Variants in KIF5A observed in about 807,000 individuals in gnomAD.
KIF5A encodes kinesin family member 5A.
A neutral mutation model predicts 141.3 loss-of-function variants in KIF5A; 35 were observed. The ratio of observed to expected loss-of-function variants is 0.25; its 90% CI spans 0.19 to 0.33. KIF5A has a LOEUF of 0.33. Ranked by LOEUF, KIF5A falls within the 10% of genes least tolerant of loss-of-function variation. The pLI, the probability that KIF5A is intolerant of heterozygous loss-of-function variation, is 1.00. For synonymous variants in KIF5A, 448 were observed against 500.2 expected, an observed-to-expected ratio of 0.90 and a Z score of 1.39; for missense variants, 861 against 1,314.3, an observed-to-expected ratio of 0.66 and a Z score of 5.33.
chr12:57,581,822 A>T, intron 25 of KIF5A, 48 bp from the exon 26 acceptor site: 1 of 1,500,310 alleles, frequency 6.7e-7, no homozygotes, highest in Non-Finnish European at 9.3e-7. Context: ...TCCTCAGACT[A>T]GTGGAGGGTG....
Position 57,564,791 on chromosome 12 carries a change from G to A in KIF5A, c.446-127G>A, listed in dbSNP as rs1882013162. 12 of 933,628 alleles carry A rather than the reference G, an allele frequency of 1.3e-5. 1 individual carries two copies. In the South Asian group the frequency reaches 1.5e-4, roughly 12 times the overall value. 57.8% of individuals were successfully genotyped at this position (933,628 alleles called of 1,614,324 possible). A position where few individuals can be genotyped will look rare whatever the true frequency, so the allele number is the denominator to read the frequency against. Reference sequence around the variant, plus strand: ...ACTGAGCCTTCAGCTCGTGCAGGGAGTTTAGGCTTCACAGGGAGAGTCTTC... The same window carrying A: ...ACTGAGCCTTCAGCTCGTGCAGGGAATTTAGGCTTCACAGGGAGAGTCTTC... On this transcript the variant is annotated intron_variant, in intron 5 of 28. Transcript: ENST00000455537.
chr12:57,558,951 T>A (rs1235427907), intron 1 of KIF5A, among the ~76,000 whole-genome samples: 1 of 152,096 alleles, frequency 6.6e-6, no homozygotes, highest in Admixed American at 6.6e-5. Context: ...TATTTTTTTT[T>A]AATTTTTGTA....
chr12:57,575,170 G>A lies in KIF5A; in HGVS notation c.1803G>A (p.Val601=), dbSNP rs1359036756. 6.2e-7 allele frequency: 1 copy of A among 1,614,088 alleles called. No homozygotes were observed. Among genetic ancestry groups the A allele is most frequent in the Non-Finnish European group, 8.5e-7 (1 of 1,180,014 alleles). ...AAATCAAATCAGAAGTCAAGTCTGT[G>A]GTCAAGCGGTGCCGGCAGCTGGAGA... ...ISKIKSEVKS[V]VKRCRQLENL... The change falls in exon 16 of 29, where the codon GTG becomes GTA. Residue 601 remains valine, a synonymous_variant. Coordinates refer to ENST00000455537, the MANE Select transcript of KIF5A (RefSeq NM_004984.4).
At chr12:57,562,679 T>C (rs1162677846) in intron 1 of KIF5A, among the ~76,000 whole-genome samples, 1 of 152,218 alleles carries the variant, frequency 6.6e-6, no homozygotes, top group Non-Finnish European at 1.5e-5. Context: ...ATGCTATAAA[T>C]ATATGTCACT....
rs1365061259 is a variant in KIF5A, at chr12:57,572,577, C to T, written c.1570-3C>T. On this transcript the variant is annotated splice_polypyrimidine_tract_variant and splice_region_variant and intron_variant, in intron 14 of 28. Coordinates refer to ENST00000455537, the MANE Select transcript of KIF5A (RefSeq NM_004984.4). This position sits in a 1 kb window ranked among gnomAD's most constrained non-coding sequence, Gnocchi z 4.2. ...CAGGAATGACCTGAGGGGCTGTCCCCAGGCCACCATGCTGTCCCTGGAGTC... is the reference window on the plus strand; with the variant it reads ...CAGGAATGACCTGAGGGGCTGTCCCTAGGCCACCATGCTGTCCCTGGAGTC... 2.5e-6 allele frequency: 4 copies of T among 1,614,112 alleles called. No homozygotes were observed. Among genetic ancestry groups the T allele is most frequent in the East Asian group, 4.5e-5 (2 of 44,902 alleles).
rs781585150 is a variant in KIF5A at position 57,567,123 on chromosome 12, C to T, written c.502-3C>T. On this transcript the variant is annotated splice_region_variant and splice_polypyrimidine_tract_variant and intron_variant, in intron 6 of 28. Transcript: ENST00000455537. Reference sequence around the variant, plus strand: ...TGGGTCACTGTCCATTTGTCCCCCACAGGGTTGTACTGAACGCTTTGTGTC... The same window carrying T: ...TGGGTCACTGTCCATTTGTCCCCCATAGGGTTGTACTGAACGCTTTGTGTC... 6.2e-7 allele frequency: 1 copy of T among 1,604,582 alleles called. No individual in the cohort carries two copies.
chr12:57,571,518 C>A, intron 13 of KIF5A, 129 bp downstream of exon 13: 1 of 852,938 alleles, frequency 1.2e-6, no homozygotes, highest in Non-Finnish European at 1.9e-6. Flanking sequence ...CTCCCCTAAA[C>A]AGCAGAAGTC....
In KIF5A at chr12:57,562,184, A is replaced by G. The variant is rs1219220512; in HGVS notation, c.130-1255A>G. ...TGATTTACAACATATTCCTGAATTA[A>G]ACAAGGATTTGTAAGTCTGAATGAT... On this transcript the variant is annotated intron_variant, in intron 1 of 28. Coordinates refer to ENST00000455537, the MANE Select transcript of KIF5A (RefSeq NM_004984.4). Among the ~76,000 whole-genome samples the G allele has an allele frequency of 6.6e-5, 10 of 152,326 alleles. No individual in the cohort carries two copies. The South Asian group carries it at 1.9e-3, about 28-fold the overall frequency.
At chr12:57,552,756 T>A (rs1350696614) in intron 1 of KIF5A, among the ~76,000 whole-genome samples, 1 of 152,146 alleles carries the variant, frequency 6.6e-6, no homozygotes, top group Non-Finnish European at 1.5e-5. Context: ...TGGGGGAGGC[T>A]GCTTCAGGAT....
At chr12:57,555,910 A>G in intron 1 of KIF5A, among the ~76,000 whole-genome samples, 1 of 142,300 alleles carries the variant, frequency 7.0e-6, no homozygotes, top group East Asian at 2.1e-4. Flanking sequence ...CTCTATCTCA[A>G]AAAAAAAAAA....
At chr12:57,564,888 T>A (rs1306748015) in intron 5 of KIF5A, 30 bp from the exon 6 acceptor site, 1 of 1,612,060 alleles carries the variant, frequency 6.2e-7, no homozygotes, top group Non-Finnish European at 8.5e-7. Context: ...GAAGTACTAG[T>A]CTTGCTTACC....
At chr12:57,566,463 C>T (rs1415554711) in intron 6 of KIF5A, among the ~76,000 whole-genome samples, 1 of 148,334 alleles carries the variant, frequency 6.7e-6, no homozygotes, top group Non-Finnish European at 1.5e-5. Flanking sequence ...GGCTGGGGTA[C>T]AGTGGCGCCC....
rs535672376 is a variant in KIF5A at position 57,564,913 on chromosome 12, T to A, written c.446-5T>A. On this transcript the variant is annotated splice_region_variant and splice_polypyrimidine_tract_variant and intron_variant, in intron 5 of 28. Transcript: ENST00000455537. ...TCTTGCTTACCCTGCATTCTTTTGATTCAGTGACCAAGACAAATCTGTCCG... is the reference window on the plus strand; with the variant it reads ...TCTTGCTTACCCTGCATTCTTTTGAATCAGTGACCAAGACAAATCTGTCCG... 6.2e-7 allele frequency: 1 copy of A among 1,614,110 alleles called. No individual in the cohort carries two copies. Among genetic ancestry groups the A allele is most frequent in the Admixed American group, 1.7e-5 (1 of 60,026 alleles).
chr12:57,572,052 C>G lies in KIF5A; in HGVS notation c.1363-9C>G, dbSNP rs1882271020. ...GATCTTTCCCACATGCCACTCCTCT[C>G]CCTTGAAGCTGCTGGTGTCCACCCG... On this transcript the variant is annotated splice_polypyrimidine_tract_variant and intron_variant, in intron 13 of 28. Transcript: ENST00000455537. This position sits in a 1 kb window ranked among gnomAD's most constrained non-coding sequence, Gnocchi z 4.2. The G allele has an allele frequency of 6.2e-7, 1 of 1,611,874 alleles. No homozygotes were observed.
In KIF5A at chr12:57,569,419, C is replaced by T; in HGVS notation, c.968+15C>T. On this transcript the variant is annotated intron_variant, in intron 10 of 28. Coordinates refer to ENST00000455537, the MANE Select transcript of KIF5A (RefSeq NM_004984.4). The stretch of plus-strand genomic sequence containing the variant: ...TTTGGGCAGCGGTCAGTGGCAGGGT[C>T]CCCAGAGGGATCCCTGGTACCCAGC... 1 of 1,613,758 alleles carries T rather than the reference C, an allele frequency of 6.2e-7. No homozygotes were observed. The highest frequency in any genetic ancestry group is 8.5e-7 in the Non-Finnish European group (1 of 1,179,840).
chr12:57,576,984 T>A, intron 20 of KIF5A, 122 bp downstream of exon 20: 1 of 735,212 alleles, frequency 1.4e-6, no homozygotes. Context: ...GGGAAAAATA[T>A]GATGGGGTAG....
intron 6 of KIF5A, among the ~76,000 whole-genome samples, chr12:57,566,724 A>G (rs1372630326): frequency 6.6e-6 from 1 of 152,036 alleles, no homozygotes; most frequent in Non-Finnish European, 1.5e-5. Context: ...ACTGTTTCAA[A>G]AAAGTAGTAA....
chr12:57,577,828 A>C, intron 21 of KIF5A, 55 bp downstream of exon 21: 1 of 1,454,976 alleles, frequency 6.9e-7, no homozygotes, highest in South Asian at 1.1e-5. Context: ...GGGAGGCTTC[A>C]TTTCTTCCTA....
At chr12:57,552,677 C>T (rs1240529120) in intron 1 of KIF5A, among the ~76,000 whole-genome samples, 1 of 152,184 alleles carries the variant, frequency 6.6e-6, no homozygotes, top group Non-Finnish European at 1.5e-5. Flanking sequence ...GAAATTCCTA[C>T]TCCTTTTTCT....
Sources: allele counts gnomAD v4.1 joint callset (sites outside exome capture counted in the v4.1 genomes callset), GRCh38; gene constraint gnomAD v4.1.1; non-coding constraint Gnocchi (gnomAD v3.1); transcripts MANE v1.5; gene names NCBI Gene and HGNC (gene_info 2026-07-23, HGNC 2026-07-21).